LAMB1: variants seen among roughly 807,000 people sequenced by gnomAD.
The protein encoded by LAMB1 is laminin subunit beta 1, also known as laminin subunit beta-1.
In LAMB1, 121 loss-of-function variants were observed where a neutral mutation model predicts 222.3. That is an observed-to-expected ratio of 0.54 (90% CI 0.47 to 0.63). LAMB1 has a LOEUF of 0.63. LAMB1 is among the 30% of genes least tolerant of loss of function. The probability of loss-of-function intolerance (pLI) is 0.00; values close to 1 mark genes in which losing one functional copy is unlikely to be tolerated. For synonymous variants in LAMB1, 794 were observed against 807.2 expected, an observed-to-expected ratio of 0.98 and a Z score of 0.28; for missense variants, 2,172 against 2,240.8, an observed-to-expected ratio of 0.97 and a Z score of 0.62.
chr7:107,996,330 A>G (rs572494619), intron 4 of LAMB1, among the ~76,000 whole-genome samples: 10 of 152,304 alleles, frequency 6.6e-5, no homozygotes, highest in African/African-American at 2.4e-4. Flanking sequence ...CACAGAGAAA[A>G]GAAACAAGGT....
Position 107,935,343 on chromosome 7 carries a change from CTTTGTTTTTTTTTTTTTT to C in LAMB1, c.4188+54_4188+71del. ...TAATGACAAAAGATGGTTTGTTTTT[CTTTGTTTTTTTTTTTTTT>C]TTTTTTTTTTTTGCTTGGCACCATA... is the stretch of plus-strand genomic sequence containing the variant. On this transcript the variant is annotated intron_variant, in intron 27 of 33. Transcript: ENST00000222399. 6 of 1,371,556 alleles carry C rather than the reference CTTTGTTTTTTTTTTTTTT, an allele frequency of 4.4e-6. No individual in the cohort carries two copies. The African/African-American group carries it at 1.2e-4, about 27-fold the overall frequency. 85.0% of individuals were successfully genotyped at this position (1,371,556 alleles called of 1,614,324 possible).
At chr7:107,950,909 CTGTG>C (rs1032659712) in intron 24 of LAMB1, among the ~76,000 whole-genome samples, 35 of 143,380 alleles carry the variant, frequency 2.4e-4, no homozygotes, top group African/African-American at 7.8e-4. Flanking sequence ...AAAAGCAGCT[CTGTG>C]TGTATTTGTG....
At chr7:107,924,108 AT>A in intron 33 of LAMB1, 21 bp from the exon 34 acceptor site, 1 of 1,529,552 alleles carries the variant, frequency 6.5e-7, no homozygotes, top group Non-Finnish European at 8.7e-7. Context: ...ATATATATAT[AT>A]AAAGTCTGAG....
chr7:107,939,908 C>T (rs1449806881), intron 25 of LAMB1, 81 bp downstream of exon 25: 1 of 1,473,590 alleles, frequency 6.8e-7, no homozygotes, highest in Non-Finnish European at 9.3e-7. Flanking sequence ...GATGGAAGCA[C>T]CATGCCAGGA....
chr7:107,985,936 A>C (rs2034067153), intron 7 of LAMB1, 86 bp downstream of exon 7: 5 of 1,054,298 alleles, frequency 4.7e-6, no homozygotes, highest in Non-Finnish European at 7.1e-6. Flanking sequence ...CAGCCTGGGC[A>C]ACAAGAGCGG....
At chr7:107,958,795 G>A (rs372127482) in intron 20 of LAMB1, among the ~76,000 whole-genome samples, 24 of 152,106 alleles carry the variant, frequency 1.6e-4, no homozygotes, top group African/African-American at 5.3e-4. Context: ...GATCTACTTA[G>A]GCATGTTTTA....
intron 20 of LAMB1, among the ~76,000 whole-genome samples, chr7:107,958,899 C>A (rs1584506546): frequency 6.6e-6 from 1 of 152,170 alleles, no homozygotes; most frequent in African/African-American, 2.4e-5. Context: ...TCTCCTTTCG[C>A]CTAAATTAGG....
rs753389177 is a variant in LAMB1, at chr7:107,978,144, C to T, written c.903G>A (p.Arg301=). The T allele has an allele frequency of 1.2e-6, 2 of 1,614,014 alleles. No individual in the cohort carries two copies. Among genetic ancestry groups the T allele is most frequent in the East Asian group, 4.5e-5 (2 of 44,876 alleles). The part of the protein sequence containing the change: ...EGMVHGHCMC[R]HNTKGLNCEL... ...CACAGTTTAAGCCCTTGGTGTTATG[C>T]CTGCACATGCAGTGTCCGTGAACCT... The change falls in exon 9 of 34, where the codon AGG becomes AGA. Residue 301 remains arginine (R), a synonymous_variant. Transcript: ENST00000222399.
At chr7:107,962,866 C>CA in intron 15 of LAMB1, 39 bp downstream of exon 15, 2 of 1,567,838 alleles carry the variant, frequency 1.3e-6, no homozygotes, top group Non-Finnish European at 1.7e-6. Flanking sequence ...ACTGATTCTC[C>CA]CCTCCCTCCT....
chr7:107,977,290 G>A (rs2033886515), intron 9 of LAMB1, among the ~76,000 whole-genome samples: 1 of 152,124 alleles, frequency 6.6e-6, no homozygotes, highest in Non-Finnish European at 1.5e-5. Context: ...CAGAATCACT[G>A]TTTGTGGAGT....
chr7:107,940,276 C>G lies in LAMB1; in HGVS notation c.3474G>C (p.Glu1158Asp). Residue 1158 changes from glutamate (E) to aspartate (D), a missense_variant, in exon 25 of 34, where the codon GAG (glutamate) becomes GAC (aspartate). Glu to Asp is a conservative substitution (Grantham distance 45, BLOSUM62 2). Coordinates refer to ENST00000222399, the MANE Select transcript of LAMB1 (RefSeq NM_002291.3). ...GCGTGCACTTGTCACAGCGTGGACC[C>G]TCAACACCCTCAACGCAGACACACT... ...TGQCVCVEGV[E>D]GPRCDKCTRG... 6.2e-7 allele frequency: 1 copy of G among 1,614,212 alleles called. No individual in the cohort carries two copies. The highest frequency in any genetic ancestry group is 8.5e-7 in the Non-Finnish European group (1 of 1,180,040).
intron 13 of LAMB1, among the ~76,000 whole-genome samples, chr7:107,969,813 T>A (rs2033711275): frequency 6.6e-6 from 1 of 152,188 alleles, no homozygotes; most frequent in Non-Finnish European, 1.5e-5. Context: ...CATATCAAAA[T>A]GTAGAAAAGC....
At chr7:107,936,759 C>A (rs2032857306) in intron 26 of LAMB1, among the ~76,000 whole-genome samples, 1 of 151,854 alleles carries the variant, frequency 6.6e-6, no homozygotes, top group Admixed American at 6.6e-5. Flanking sequence ...GTATTAATAC[C>A]TTAACTATTC....
intron 5 of LAMB1, among the ~76,000 whole-genome samples, chr7:107,988,291 A>G (rs2034117995): frequency 6.6e-6 from 1 of 152,234 alleles, no homozygotes; most frequent in Admixed American, 6.5e-5. Context: ...TTGTAGGCTA[A>G]TTAGTCACAT....
At chr7:107,986,824 C>T in intron 5 of LAMB1, among the ~76,000 whole-genome samples, 1 of 152,100 alleles carries the variant, frequency 6.6e-6, no homozygotes, top group African/African-American at 2.4e-5. Context: ...ATATGGGTGT[C>T]AATAATTTGC....
chr7:107,937,003 CTT>C (rs34337564), intron 26 of LAMB1, 88 bp downstream of exon 26: 5 of 1,077,994 alleles, frequency 4.6e-6, no homozygotes, highest in African/African-American at 1.6e-5. Flanking sequence ...TATTAGAAAA[CTT>C]TTTTTTTTCC....
intron 7 of LAMB1, among the ~76,000 whole-genome samples, chr7:107,985,361 C>T (rs557340732): frequency 2.8e-4 from 42 of 152,308 alleles, no homozygotes; most frequent in Non-Finnish European, 5.6e-4. Flanking sequence ...CGCTGGTTCA[C>T]GCCTGTAATC....
At chr7:107,999,917 C>T (rs2034351423) in intron 3 of LAMB1, 3 of 152,070 alleles carry the variant, frequency 2.0e-5, no homozygotes, top group Non-Finnish European at 4.4e-5. Flanking sequence ...TTCTGATGCT[C>T]TCTACATGTT....
At chr7:108,002,027 C>T (rs971790951) in intron 2 of LAMB1, 2 of 1,443,464 alleles carry the variant, frequency 1.4e-6, no homozygotes, top group African/African-American at 2.9e-5. Context: ...TGATCAGCCC[C>T]GGGGAGCAGC....
Sources: gnomAD v4.1 joint callset for allele counts (sites outside exome capture counted in the v4.1 genomes callset) on GRCh38, gnomAD v4.1.1 for gene constraint, MANE v1.5 for transcripts, NCBI Gene and HGNC (gene_info 2026-07-23, HGNC 2026-07-21) for gene names.